Variants in ADCY7 observed in about 807,000 individuals in gnomAD.
ADCY7 encodes the protein adenylate cyclase 7.
ADCY7 carries 72 observed loss-of-function variants against 120.6 expected under a neutral mutation model. The observed-to-expected ratio is 0.60, with a 90% confidence interval of 0.49 to 0.73. The LOEUF is 0.73. Among genes scored for constraint, ADCY7 ranks in the 30% least tolerant of loss-of-function variants. The pLI is 0.00. For synonymous variants in ADCY7, 661 were observed against 628.0 expected, an observed-to-expected ratio of 1.05 and a Z score of -0.78; for missense variants, 1,227 against 1,486.0, an observed-to-expected ratio of 0.83 and a Z score of 2.87.
At chr16:50,309,324 G>C in intron 17 of ADCY7, 1 of 507,574 alleles carries the variant, frequency 2.0e-6, no homozygotes, top group African/African-American at 2.0e-5. Flanking sequence ...GGCTGCTGCC[G>C]CTCTGGGGGT....
At position 50,312,141 on chromosome 16, in the gene ADCY7, G is replaced by A. The variant is rs780614823; in HGVS notation, c.2554G>A (p.Val852Ile). The A allele has an allele frequency of 3.1e-6, 5 of 1,614,096 alleles. No homozygotes were observed. In the African/African-American group the frequency reaches 5.3e-5, roughly 17 times the overall value. The change falls in exon 21 of 26, where the codon GTC (valine) becomes ATC (isoleucine). Residue 852 changes from valine to isoleucine, a missense_variant. Around this residue, in one of 5 missense-constraint regions of ADCY7, gnomAD observed 244 missense variants for 332.8 expected, o/e 0.73. Transcript: ENST00000673801. ...ENVNRLLLEN[V>I]LPAHVAAHFI... ...CGTGAACCGCCTTCTTCTGGAGAAC[G>A]TCCTGCCAGCCCACGTGGCTGCCCA...
At chr16:50,288,385 G>T in intron 2 of ADCY7, 35 bp downstream of exon 2, 1 of 1,501,816 alleles carries the variant, frequency 6.7e-7, no homozygotes, top group South Asian at 1.3e-5. Flanking sequence ...TCACGTCTCG[G>T]CCCCAACCTT....
In ADCY7 at chr16:50,317,023, CG is replaced by C. The variant is rs1458877941; in HGVS notation, c.*1521del. Reference sequence around the variant, plus strand: ...GTTGGGGTCCTGGGATGAGTTGCCCCGGGCTGCAAATTAAGAGTACAGCTAA... The same window carrying C: ...GTTGGGGTCCTGGGATGAGTTGCCCCGGCTGCAAATTAAGAGTACAGCTAA... On this transcript the variant is annotated 3_prime_UTR_variant, in exon 26 of 26. Coordinates refer to ENST00000673801, the MANE Select transcript of ADCY7 (RefSeq NM_001114.5). 2 of 152,344 alleles carry C rather than the reference CG, an allele frequency of 1.3e-5. No homozygotes were observed. Among genetic ancestry groups the C allele is most frequent in the African/African-American group, 4.9e-5 (2 of 41,022 alleles). 9.4% of individuals were successfully genotyped at this position (152,344 alleles called of 1,614,324 possible).
At chr16:50,304,632 C>A in intron 11 of ADCY7, 81 bp downstream of exon 11, 1 of 1,362,758 alleles carries the variant, frequency 7.3e-7, no homozygotes, top group Non-Finnish European at 1.0e-6. Flanking sequence ...AGATCTCCTG[C>A]CCTCTCAGCC....
chr16:50,273,872 C>T (rs1337057728), intron 1 of ADCY7, among the ~76,000 whole-genome samples: 1 of 152,134 alleles, frequency 6.6e-6, no homozygotes, highest in Non-Finnish European at 1.5e-5. Context: ...CTGGGTAGTG[C>T]ATGGCTGGAC....
chr16:50,311,805 C>CA lies in ADCY7; in HGVS notation c.2448+19_2448+20insA, dbSNP rs1555525903. 3.1e-6 allele frequency: 4 copies of CA among 1,310,678 alleles called. No homozygotes were observed. In the African/African-American group the frequency reaches 4.5e-5, roughly 15 times the overall value. 81.2% of individuals were successfully genotyped at this position (1,310,678 alleles called of 1,614,324 possible). A position where few individuals can be genotyped will look rare whatever the true frequency, so the allele number is the denominator to read the frequency against. ...CAGACAGGTAAGGAGGCTGGCCCCCCCCCCCCCCCCAAGCTCTGCCCACTT... is the reference window on the plus strand; with the variant it reads ...CAGACAGGTAAGGAGGCTGGCCCCCCACCCCCCCCCCAAGCTCTGCCCACTT... On this transcript the variant is annotated intron_variant, in intron 20 of 25. Coordinates refer to ENST00000673801, the MANE Select transcript of ADCY7 (RefSeq NM_001114.5).
intron 3 of ADCY7, among the ~76,000 whole-genome samples, chr16:50,291,268 A>T (rs927275174): frequency 3.3e-5 from 5 of 149,910 alleles, no homozygotes; most frequent in Non-Finnish European, 5.9e-5. Flanking sequence ...AACCATGTGG[A>T]CTGAAGGGGA....
At chr16:50,292,517 G>A in intron 4 of ADCY7, 159 bp from the exon 5 acceptor site, 1 of 857,462 alleles carries the variant, frequency 1.2e-6, no homozygotes, top group Non-Finnish European at 1.8e-6. Flanking sequence ...TCCTGTCTGG[G>A]CCTCAGTTTC....
rs1390271304 is a variant in ADCY7, at chr16:50,247,266, C to G, written c.-64+1063C>G. ...GGACAGGCTGTGGGGAGGGGTCAGA[C>G]TCCAGGTCTATGGGGGGACCCCACA... On this transcript the variant is annotated intron_variant, in intron 1 of 4. Coordinates refer to the ADCY7 transcript ENST00000564044. 2.0e-5 allele frequency among the ~76,000 whole-genome samples: 3 copies of G among 148,206 alleles called. No homozygotes were observed. The East Asian group carries it at 5.8e-4, about 29-fold the overall frequency.
intron 1 of ADCY7, among the ~76,000 whole-genome samples, chr16:50,261,145 A>T (rs2033048307): frequency 6.6e-6 from 1 of 152,178 alleles, no homozygotes; most frequent in Non-Finnish European, 1.5e-5. Flanking sequence ...CATATACGCT[A>T]GTTGTGAGTC....
chr16:50,253,709 G>T, intron 1 of ADCY7, among the ~76,000 whole-genome samples: 1 of 152,090 alleles, frequency 6.6e-6, no homozygotes, highest in East Asian at 1.9e-4. Flanking sequence ...GGCTCCGGGG[G>T]GAGGGCTTTG....
Position 50,310,520 on chromosome 16 carries a change from C to T in ADCY7, c.2161-167C>T, listed in dbSNP as rs768467082. 3 of 1,540,348 alleles carry T rather than the reference C, an allele frequency of 1.9e-6. No homozygotes were observed. In the African/African-American group the frequency reaches 4.1e-5, roughly 21 times the overall value. ...ATAAGAAATAAAACTACAGTGAAAACAACACTGGACACTCTTAGGTCTCAT... is the reference window on the plus strand; with the variant it reads ...ATAAGAAATAAAACTACAGTGAAAATAACACTGGACACTCTTAGGTCTCAT... On this transcript the variant is annotated intron_variant, in intron 18 of 25. Transcript: ENST00000673801.
At chr16:50,314,453 C>A in intron 24 of ADCY7, 47 bp downstream of exon 24, 1 of 1,413,330 alleles carries the variant, frequency 7.1e-7, no homozygotes, top group Non-Finnish European at 9.9e-7. Context: ...GCCTCTAGGC[C>A]AGTCCACCCA....
chr16:50,258,301 C>T (rs1210143265), intron 1 of ADCY7, among the ~76,000 whole-genome samples: 1 of 152,098 alleles, frequency 6.6e-6, no homozygotes, highest in Non-Finnish European at 1.5e-5. Flanking sequence ...TATGTTTCTT[C>T]AGTTTTTCAT....
chr16:50,306,770 C>T (rs1043330812), intron 14 of ADCY7, among the ~76,000 whole-genome samples: 2 of 152,178 alleles, frequency 1.3e-5, no homozygotes, highest in Non-Finnish European at 2.9e-5. Flanking sequence ...AGAATGGAAA[C>T]AGGCGAAACT....
At chr16:50,292,952 G>A (rs1313019012) in intron 5 of ADCY7, 127 bp downstream of exon 5, 8 of 1,231,722 alleles carry the variant, frequency 6.5e-6, no homozygotes, top group Admixed American at 2.0e-5. Flanking sequence ...GTCTCACCTC[G>A]GTGAGTCCTG....
chr16:50,313,334 C>A, intron 22 of ADCY7: 2 of 297,296 alleles, frequency 6.7e-6, no homozygotes, highest in Non-Finnish European at 1.3e-5. Flanking sequence ...GCAGGAGAAT[C>A]GCTTGAACCT....
chr16:50,246,072 C>T (rs2032574408), upstream of ADCY7: 1 of 150,612 alleles, frequency 6.6e-6, no homozygotes, highest in African/African-American at 2.4e-5. Flanking sequence ...CCCCGCGCCC[C>T]AGGCCTGGGA....
rs566103128 is a variant in ADCY7, at chr16:50,291,678, G to A, written c.376-58G>A. The A allele has an allele frequency of 2.6e-4, 422 of 1,607,444 alleles. 5 individuals carry two copies. The South Asian group carries it at 4.4e-3, about 17-fold the overall frequency. On this transcript the variant is annotated intron_variant, in intron 3 of 25. Coordinates refer to ENST00000673801, the MANE Select transcript of ADCY7 (RefSeq NM_001114.5). ...GGCTGCTGTGGTGCAGGGTTCCGGG[G>A]GCTGTACGGCCTGGGGCAGCATCTT... is the stretch of plus-strand genomic sequence containing the variant.
Sources: allele counts gnomAD v4.1 joint callset (sites outside exome capture counted in the v4.1 genomes callset), GRCh38; gene constraint gnomAD v4.1.1; regional missense constraint gnomAD v4.1.1; transcripts MANE v1.5; gene names NCBI Gene and HGNC (gene_info 2026-07-23, HGNC 2026-07-21).